Variants in SQOR observed in about 807,000 individuals in gnomAD.
SQOR encodes the protein sulfide:quinone oxidoreductase, mitochondrial.
SQOR carries 39 observed loss-of-function variants against 48.6 expected under a neutral mutation model. The ratio of observed to expected loss-of-function variants is 0.80; its 90% CI spans 0.62 to 1.05. The LOEUF (loss-of-function observed/expected upper bound fraction) is 1.05, where lower values mean the gene tolerates loss of function less well. Ranked by LOEUF, SQOR falls within the 50% of genes least tolerant of loss-of-function variation. SQOR has a pLI of 0.00. For synonymous variants in SQOR, 220 were observed against 206.2 expected (o/e 1.07, Z -0.57); for missense variants, 561 against 559.9 (o/e 1.00, Z -0.02).
intron 1 of SQOR, among the ~76,000 whole-genome samples, chr15:45,655,986 A>ATT (rs1006198671): frequency 1.4e-5 from 2 of 138,636 alleles, no homozygotes; most frequent in African/African-American, 5.3e-5. Context: ...TGCCTGGCCT[A>ATT]TTTTTTTTTT....
intron 1 of SQOR, among the ~76,000 whole-genome samples, chr15:45,639,954 T>G (rs1595569220): frequency 6.6e-6 from 1 of 152,200 alleles, no homozygotes; most frequent in East Asian, 1.9e-4. Context: ...AAATGGTAAA[T>G]GACTATCTCA....
chr15:45,647,999 T>C (rs1889376319), intron 1 of SQOR, among the ~76,000 whole-genome samples: 1 of 152,210 alleles, frequency 6.6e-6, no homozygotes, highest in Non-Finnish European at 1.5e-5. Flanking sequence ...TTAAGTTCTG[T>C]TGCTTAGTCA....
chr15:45,683,310 A>G (rs907155722), intron 7 of SQOR, among the ~76,000 whole-genome samples: 1 of 152,200 alleles, frequency 6.6e-6, no homozygotes, highest in East Asian at 1.9e-4. Context: ...CTGAAACACC[A>G]TAAAGCTCGA....
At chr15:45,685,064 A>G (rs1275875595) in intron 7 of SQOR, among the ~76,000 whole-genome samples, 2 of 152,196 alleles carry the variant, frequency 1.3e-5, no homozygotes, top group East Asian at 1.9e-4. Context: ...TTTACCTGCT[A>G]TTTAGGTTGG....
intron 4 of SQOR, among the ~76,000 whole-genome samples, chr15:45,673,040 CCA>C (rs1323049645): frequency 2.0e-5 from 3 of 152,172 alleles, no homozygotes; most frequent in African/African-American, 7.2e-5. Flanking sequence ...GGTCTGAGCA[CCA>C]CACTTGGAGA....
chr15:45,665,342 C>A (rs1566919607), intron 3 of SQOR, among the ~76,000 whole-genome samples: 1 of 152,170 alleles, frequency 6.6e-6, no homozygotes, highest in East Asian at 1.9e-4. Flanking sequence ...ATACACATGA[C>A]ATCTCATGTG....
At chr15:45,632,367 G>A (rs1392187625), upstream of SQOR, among the ~76,000 whole-genome samples, 2 of 151,822 alleles carry the variant, frequency 1.3e-5, no homozygotes, top group Admixed American at 6.6e-5. Context: ...CTACAGGCAC[G>A]TGCCACAATG....
chr15:45,653,614 G>A (rs12905109), intron 1 of SQOR, among the ~76,000 whole-genome samples: 38,214 of 152,040 alleles, frequency 0.25, 5,015 homozygotes, highest in East Asian at 0.5. Flanking sequence ...GGGGCTGAGA[G>A]TTCCAACCCT....
At chr15:45,677,731 C>T (rs541079135) in intron 6 of SQOR, among the ~76,000 whole-genome samples, 2 of 152,286 alleles carry the variant, frequency 1.3e-5, no homozygotes, top group Admixed American at 6.5e-5. Flanking sequence ...GACGAAGTCT[C>T]GCTGTGTTAC....
chr15:45,662,939 G>A (rs532047523), intron 3 of SQOR, among the ~76,000 whole-genome samples: 20 of 152,236 alleles, frequency 1.3e-4, no homozygotes, highest in African/African-American at 4.1e-4. Context: ...GCATTTTCAC[G>A]GAATTGTAGA....
At chr15:45,634,198 C>CTATATATATATATATATATATGTA (rs1555399807), upstream of SQOR, among the ~76,000 whole-genome samples, 3 of 43,844 alleles carry the variant, frequency 6.8e-5, no homozygotes, top group African/African-American at 2.2e-4. Flanking sequence ...ACAACAACAA[C>CTATATATATATATATATATATGTA]TATATATATA....
intron 3 of SQOR, among the ~76,000 whole-genome samples, chr15:45,663,939 C>A (rs761133735): frequency 3.9e-5 from 6 of 152,076 alleles, no homozygotes; most frequent in Non-Finnish European, 5.9e-5. Flanking sequence ...AAAACAGACA[C>A]AAATTCTTAT....
At chr15:45,636,104 C>G (rs1349895502) in intron 1 of SQOR, among the ~76,000 whole-genome samples, 1 of 152,110 alleles carries the variant, frequency 6.6e-6, no homozygotes, top group African/African-American at 2.4e-5. Flanking sequence ...GCTGGGATTA[C>G]ACGAGTGAGC....
At position 45,673,620 on chromosome 15, in the gene SQOR, CT is replaced by C. The variant is rs747684105; in HGVS notation, c.474del (p.Glu159LysfsTer8). On this transcript the variant is annotated frameshift_variant, in exon 5 of 10. Transcript: ENST00000260324. LOFTEE classifies it high-confidence loss of function. ...QLDYEKIKGL[P>X]EGFAHPKIGS... ...ACTTTGTTGCAGATTAAAGGCCTAC[CT>C]GAAGGTTTCGCTCATCCCAAAATAG... is the stretch of plus-strand genomic sequence containing the variant. The C allele has an allele frequency of 1.9e-6, 3 of 1,613,504 alleles. No individual in the cohort carries two copies. Among genetic ancestry groups the C allele is most frequent in the Non-Finnish European group, 2.5e-6 (3 of 1,179,728 alleles).
chr15:45,644,454 T>C (rs931641063), intron 1 of SQOR, among the ~76,000 whole-genome samples: 5 of 152,238 alleles, frequency 3.3e-5, no homozygotes, highest in Non-Finnish European at 1.5e-5. Flanking sequence ...GTGTTAAACA[T>C]GTAAAAGCTT....
At position 45,691,088 on chromosome 15, in the gene SQOR, A is replaced by G; in HGVS notation, c.*58A>G. 1 of 1,447,862 alleles carries G rather than the reference A, an allele frequency of 6.9e-7. No individual in the cohort carries two copies. Among genetic ancestry groups the G allele is most frequent in the South Asian group, 1.1e-5 (1 of 87,712 alleles). The allele number at this position is 1,447,862 out of a possible 1,614,324, so 89.7% of individuals were successfully genotyped here. A position where few individuals can be genotyped will look rare whatever the true frequency, so the allele number is the denominator to read the frequency against. The stretch of plus-strand genomic sequence containing the variant: ...TTCTGGGCCAAAACTGCAGTCACTG[A>G]ATGACCAAGAGCAGCACGAAGGACT... On this transcript the variant is annotated 3_prime_UTR_variant, in exon 10 of 10. Coordinates refer to ENST00000260324, the MANE Select transcript of SQOR (RefSeq NM_021199.4).
chr15:45,632,851 C>G (rs986350371), upstream of SQOR, among the ~76,000 whole-genome samples: 11 of 151,982 alleles, frequency 7.2e-5, no homozygotes, highest in African/African-American at 2.7e-4. Flanking sequence ...CTCCTCTAAT[C>G]CCAGTACCTT....
intron 1 of SQOR, among the ~76,000 whole-genome samples, chr15:45,650,777 C>A (rs928134722): frequency 6.6e-6 from 1 of 152,208 alleles, no homozygotes; most frequent in Non-Finnish European, 1.5e-5. Context: ...AAACCTTGAG[C>A]TAGACACAGA....
intron 1 of SQOR, among the ~76,000 whole-genome samples, chr15:45,641,044 T>C (rs939298716): frequency 3.9e-5 from 6 of 152,092 alleles, no homozygotes; most frequent in African/African-American, 4.8e-5. Flanking sequence ...TCATTTTTTT[T>C]CCCCCTATAT....
Sources: gnomAD v4.1 joint callset for allele counts (sites outside exome capture counted in the v4.1 genomes callset) on GRCh38, gnomAD v4.1.1 for gene constraint, MANE v1.5 for transcripts, NCBI Gene and HGNC (gene_info 2026-07-23, HGNC 2026-07-21) for gene names.